EYS: variants seen among roughly 807,000 people sequenced by gnomAD.
EYS encodes protein eyes shut homolog.
Under a neutral mutation model 282.1 loss-of-function variants are expected in EYS, and 250 were observed. The ratio of observed to expected loss-of-function variants is 0.89; its 90% CI spans 0.80 to 0.98. The LOEUF (loss-of-function observed/expected upper bound fraction) is 0.98, where lower values mean the gene tolerates loss of function less well. Ranked by LOEUF, EYS falls within the 50% of genes least tolerant of loss-of-function variation. The pLI is 0.00. For synonymous variants in EYS, 1,355 were observed against 1,282.9 expected (o/e 1.06, Z -1.20); for missense variants, 4,016 against 3,709.0 (o/e 1.08, Z -2.15).
In EYS at chr6:63,720,854, G is replaced by A; in HGVS notation, c.9177C>T (p.Tyr3059=). 1.9e-6 allele frequency: 3 copies of A among 1,551,164 alleles called. No individual in the cohort carries two copies. The South Asian group carries it at 3.6e-5, about 18-fold the overall frequency. The change falls in exon 43 of 43, where the codon TAC becomes TAT. Residue 3059 remains tyrosine (Y), a synonymous_variant. Transcript: ENST00000503581. The part of the protein sequence containing the change: ...VIQNQTLIKA[Y]INNSLILSED... The stretch of plus-strand genomic sequence containing the variant: ...CGGAAAGAATTAGACTGTTATTTAT[G>A]TAGGCCTTGATAAGAGTCTGATTTT...
chr6:63,834,529 C>T (rs998308107), intron 36 of EYS, among the ~76,000 whole-genome samples: 38 of 151,750 alleles, frequency 2.5e-4, no homozygotes, highest in African/African-American at 9.0e-4. Context: ...GTTAGAATGG[C>T]AATCATTAAA....
intron 12 of EYS, among the ~76,000 whole-genome samples, chr6:65,081,527 C>A (rs1774230008): frequency 6.6e-6 from 1 of 152,004 alleles, no homozygotes; most frequent in African/African-American, 2.4e-5. Flanking sequence ...TTAAAGAAAT[C>A]ATTCAACAAA....
chr6:64,007,745 C>A (rs1022752335), intron 33 of EYS, among the ~76,000 whole-genome samples: 1 of 152,104 alleles, frequency 6.6e-6, no homozygotes, highest in Non-Finnish European at 1.5e-5. Context: ...TCATTGTTTA[C>A]CCAAAAGTCA....
rs73439406 is a variant in EYS at position 65,061,840 on chromosome 6, G to A, written c.2024-4113C>T. Among the ~76,000 whole-genome samples, 865 of 151,918 alleles carry A rather than the reference G, an allele frequency of 5.7e-3. 7 individuals carry two copies. Among genetic ancestry groups the A allele is most frequent in the African/African-American group, 0.02 (812 of 41,502 alleles). Reference sequence around the variant, plus strand: ...GTAGGAATCATCCATTGACCAAAAAGCAATCCAAATAATTAGAGTTCTGTT... The same window carrying A: ...GTAGGAATCATCCATTGACCAAAAAACAATCCAAATAATTAGAGTTCTGTT... On this transcript the variant is annotated intron_variant, in intron 12 of 42. Coordinates refer to ENST00000503581, the MANE Select transcript of EYS (RefSeq NM_001142800.2).
intron 2 of EYS, among the ~76,000 whole-genome samples, chr6:65,537,526 A>ACACG (rs1768006020): frequency 7.9e-6 from 1 of 126,362 alleles, no homozygotes; most frequent in African/African-American, 3.2e-5. Flanking sequence ...ATGCACACAC[A>ACACG]CACATATATT....
intron 12 of EYS, among the ~76,000 whole-genome samples, chr6:65,221,288 C>G (rs1281172482): frequency 6.6e-6 from 1 of 152,144 alleles, no homozygotes; most frequent in Non-Finnish European, 1.5e-5. Flanking sequence ...CAGAGGTCTT[C>G]ATAGCAGCCC....
intron 19 of EYS, among the ~76,000 whole-genome samples, chr6:64,868,979 G>A (rs1766509038): frequency 6.6e-6 from 1 of 151,382 alleles, no homozygotes; most frequent in Admixed American, 6.6e-5. Context: ...ATACTTAATT[G>A]AATAAGTAAG....
chr6:64,067,468 T>A (rs893673162), intron 32 of EYS, among the ~76,000 whole-genome samples: 14 of 152,148 alleles, frequency 9.2e-5, no homozygotes, highest in African/African-American at 1.2e-4. Context: ...AATCTTCCTA[T>A]TAGTGGAATC....
intron 22 of EYS, among the ~76,000 whole-genome samples, chr6:64,647,178 A>G (rs2149875462): frequency 6.6e-6 from 1 of 152,328 alleles, no homozygotes; most frequent in South Asian, 2.1e-4. Context: ...ACATCACTTG[A>G]AAATTCTTCA....
chr6:64,881,836 T>C (rs1312164321), intron 19 of EYS, among the ~76,000 whole-genome samples: 4 of 151,878 alleles, frequency 2.6e-5, no homozygotes, highest in Admixed American at 2.6e-4. Flanking sequence ...CAATTGTTCC[T>C]CTTGCCATTT....
At chr6:64,604,748 T>C (rs1312287242) in intron 24 of EYS, among the ~76,000 whole-genome samples, 2 of 151,968 alleles carry the variant, frequency 1.3e-5, no homozygotes, top group Non-Finnish European at 2.9e-5. Flanking sequence ...ATAAGGATCT[T>C]AAGGAATGCA....
chr6:65,017,935 G>A (rs1158162564), intron 13 of EYS, among the ~76,000 whole-genome samples: 1 of 152,106 alleles, frequency 6.6e-6, no homozygotes, highest in Non-Finnish European at 1.5e-5. Context: ...TGAATCTCAA[G>A]CCTCTGTTGA....
At chr6:64,431,273 T>A (rs1774567624) in intron 28 of EYS, among the ~76,000 whole-genome samples, 1 of 152,136 alleles carries the variant, frequency 6.6e-6, no homozygotes, top group Non-Finnish European at 1.5e-5. Flanking sequence ...TCTCTCTCTA[T>A]GCCCAAATTT....
At chr6:64,606,036 C>T (rs1281431217) in intron 24 of EYS, among the ~76,000 whole-genome samples, 1 of 151,872 alleles carries the variant, frequency 6.6e-6, no homozygotes, top group Non-Finnish European at 1.5e-5. Context: ...TATGTGTTTA[C>T]ATTTTATGCT....
intron 12 of EYS, among the ~76,000 whole-genome samples, chr6:65,114,977 G>A (rs1581922118): frequency 6.6e-6 from 1 of 151,660 alleles, no homozygotes; most frequent in Non-Finnish European, 1.5e-5. Flanking sequence ...TTTTACCCTT[G>A]CATGTTTTCA....
chr6:64,068,581 G>A (rs1771461149), intron 32 of EYS, among the ~76,000 whole-genome samples: 1 of 151,890 alleles, frequency 6.6e-6, no homozygotes, highest in South Asian at 2.1e-4. Context: ...AATGGGTGCA[G>A]CACACCATCG....
intron 14 of EYS, among the ~76,000 whole-genome samples, chr6:64,955,912 C>T (rs1239761941): frequency 1.3e-5 from 2 of 152,186 alleles, no homozygotes; most frequent in Non-Finnish European, 2.9e-5. Flanking sequence ...ACAAATTCTG[C>T]TCTGCCTTAC....
At chr6:65,390,058 G>T (rs943306071) in intron 7 of EYS, among the ~76,000 whole-genome samples, 15 of 151,882 alleles carry the variant, frequency 9.9e-5, no homozygotes, top group Non-Finnish European at 1.5e-4. Flanking sequence ...TACAGGAAGT[G>T]GGGATCAGAG....
intron 33 of EYS, among the ~76,000 whole-genome samples, chr6:64,009,427 G>A (rs79125449): frequency 0.041 from 6,187 of 149,290 alleles, 397 homozygotes; most frequent in African/African-American, 0.14. Context: ...GGGACTACAG[G>A]CACCCACCAC....
Sources: gnomAD v4.1 joint callset for allele counts (sites outside exome capture counted in the v4.1 genomes callset) on GRCh38, gnomAD v4.1.1 for gene constraint, MANE v1.5 for transcripts, NCBI Gene and HGNC (gene_info 2026-07-23, HGNC 2026-07-21) for gene names.